The following PLCB1 variants were observed in gnomAD, a reference collection of about 807,000 sequenced individuals.
The protein encoded by PLCB1 is phospholipase C beta 1.
A neutral mutation model predicts 161.8 loss-of-function variants in PLCB1; 46 were observed. The ratio of observed to expected loss-of-function variants is 0.28; its 90% CI spans 0.22 to 0.36. PLCB1 has a LOEUF of 0.36. Among genes scored for constraint, PLCB1 ranks in the 10% least tolerant of loss-of-function variants. The probability of loss-of-function intolerance (pLI) is 1.00; values close to 1 mark genes in which losing one functional copy is unlikely to be tolerated. For synonymous variants in PLCB1, 517 were observed against 503.7 expected (o/e 1.03, Z -0.35); for missense variants, 1,016 against 1,472.5 (o/e 0.69, Z 5.07).
chr20:8,250,435 G>A (rs1568605351), intron 2 of PLCB1, among the ~76,000 whole-genome samples: 1 of 151,662 alleles, frequency 6.6e-6, no homozygotes, highest in Non-Finnish European at 1.5e-5. Flanking sequence ...AATCTGTTGG[G>A]TTTTGTGACC....
intron 3 of PLCB1, among the ~76,000 whole-genome samples, chr20:8,377,069 A>T (rs6118184): frequency 0.057 from 8,722 of 152,220 alleles, 745 homozygotes; most frequent in African/African-American, 0.19. Flanking sequence ...AAGGCAATAC[A>T]CACCATGTCC....
At chr20:8,794,950 T>C (rs1173000758) in intron 31 of PLCB1, among the ~76,000 whole-genome samples, 2 of 152,212 alleles carry the variant, frequency 1.3e-5, no homozygotes, top group Non-Finnish European at 2.9e-5. Flanking sequence ...TCATTCAAAG[T>C]GTGACTTTGC....
intron 2 of PLCB1, among the ~76,000 whole-genome samples, chr20:8,277,016 G>A (rs2719779): frequency 0.088 from 8,311 of 94,196 alleles, 361 homozygotes; most frequent in African/African-American, 0.17. Context: ...TATTATTATT[G>A]TTAGAGATGG....
At chr20:8,484,637 C>T (rs1982646972) in intron 3 of PLCB1, among the ~76,000 whole-genome samples, 1 of 152,220 alleles carries the variant, frequency 6.6e-6, no homozygotes, top group Non-Finnish European at 1.5e-5. Flanking sequence ...GCATGAGCCA[C>T]CGGCCTGCTA....
intron 3 of PLCB1, among the ~76,000 whole-genome samples, chr20:8,421,146 G>A (rs550763989): frequency 1.6e-4 from 25 of 152,258 alleles, no homozygotes; most frequent in African/African-American, 5.5e-4. Context: ...GAACCTGATC[G>A]TTATTTGTGA....
At chr20:8,186,203 G>T (rs1396555081) in intron 2 of PLCB1, among the ~76,000 whole-genome samples, 2 of 152,002 alleles carry the variant, frequency 1.3e-5, no homozygotes, top group Admixed American at 6.6e-5. Flanking sequence ...TTATTTTGTG[G>T]ATTTTAGCTT....
At chr20:8,311,808 A>C (rs750428489) in intron 2 of PLCB1, among the ~76,000 whole-genome samples, 4 of 152,168 alleles carry the variant, frequency 2.6e-5, no homozygotes, top group African/African-American at 4.8e-5. Context: ...GTGGCTGTCA[A>C]TTGATGCCCT....
chr20:8,429,515 C>G (rs1356016295), intron 3 of PLCB1, among the ~76,000 whole-genome samples: 1 of 151,980 alleles, frequency 6.6e-6, no homozygotes, highest in African/African-American at 2.4e-5. Flanking sequence ...ATAATAGAGT[C>G]AAGCGCCATG....
intron 2 of PLCB1, among the ~76,000 whole-genome samples, chr20:8,285,969 T>C (rs1380797065): frequency 1.3e-5 from 2 of 152,248 alleles, no homozygotes; most frequent in Non-Finnish European, 2.9e-5. Context: ...ACATTAGTCC[T>C]TTCATATAGT....
chr20:8,640,634 T>C (rs797001058), intron 4 of PLCB1, among the ~76,000 whole-genome samples: 7 of 152,272 alleles, frequency 4.6e-5, no homozygotes, highest in African/African-American at 1.7e-4. Context: ...AATGAAACTT[T>C]GGGGGTTCTG....
intron 31 of PLCB1, among the ~76,000 whole-genome samples, chr20:8,821,021 T>C (rs1347133400): frequency 6.6e-6 from 1 of 152,170 alleles, no homozygotes; most frequent in Non-Finnish European, 1.5e-5. Flanking sequence ...TCATTACCTC[T>C]GAGGAGTCAG....
At chr20:8,278,924 A>T (rs1299410864) in intron 2 of PLCB1, among the ~76,000 whole-genome samples, 1 of 152,006 alleles carries the variant, frequency 6.6e-6, no homozygotes, top group Non-Finnish European at 1.5e-5. Context: ...ACCAGAAATA[A>T]CCTAAATTAA....
chr20:8,414,744 T>C (rs1177697910), intron 3 of PLCB1, among the ~76,000 whole-genome samples: 1 of 151,824 alleles, frequency 6.6e-6, no homozygotes, highest in Non-Finnish European at 1.5e-5. Context: ...GCATTGGAAA[T>C]GTGACTTTTG....
chr20:8,485,769 C>A lies in PLCB1; in HGVS notation c.246+114319C>A, dbSNP rs372223468. On this transcript the variant is annotated intron_variant, in intron 3 of 31. Coordinates refer to ENST00000338037, the MANE Select transcript of PLCB1 (RefSeq NM_015192.4). ...GGAAATGTGTGATATATGTTTCCATCACATAGGGAAAGCATTAAAAATCTA... is the reference window on the plus strand; with the variant it reads ...GGAAATGTGTGATATATGTTTCCATAACATAGGGAAAGCATTAAAAATCTA... Among the ~76,000 whole-genome samples the A allele has an allele frequency of 2.5e-3, 381 of 152,298 alleles. 4 individuals are homozygous for A. The highest frequency in any genetic ancestry group is 0.014 in the South Asian group (67 of 4,824).
intron 26 of PLCB1, among the ~76,000 whole-genome samples, chr20:8,767,322 A>T (rs959377366): frequency 2.6e-5 from 4 of 152,162 alleles, no homozygotes; most frequent in Non-Finnish European, 5.9e-5. Context: ...CTTTCCACTG[A>T]TGGGCCCTGG....
chr20:8,506,898 G>T (rs1983657857), intron 3 of PLCB1, among the ~76,000 whole-genome samples: 1 of 152,082 alleles, frequency 6.6e-6, no homozygotes, highest in Admixed American at 6.6e-5. Flanking sequence ...TAAAACTATA[G>T]TAGAACCTTG....
chr20:8,233,293 A>G (rs1980160725), intron 2 of PLCB1, among the ~76,000 whole-genome samples: 1 of 152,184 alleles, frequency 6.6e-6, no homozygotes, highest in Non-Finnish European at 1.5e-5. Context: ...ATTATTGTAC[A>G]GTGAGAAATG....
intron 3 of PLCB1, among the ~76,000 whole-genome samples, chr20:8,443,902 G>A (rs561761506): frequency 1.3e-5 from 2 of 152,226 alleles, no homozygotes; most frequent in African/African-American, 4.8e-5. Flanking sequence ...GCACCCCACA[G>A]TGGCTATTTC....
chr20:8,544,410 T>G (rs939113473), intron 3 of PLCB1, among the ~76,000 whole-genome samples: 1 of 152,212 alleles, frequency 6.6e-6, no homozygotes, highest in African/African-American at 2.4e-5. Context: ...ATGAGATAGA[T>G]TCTATTTTTG....
Sources: allele counts gnomAD v4.1 joint callset (sites outside exome capture counted in the v4.1 genomes callset), GRCh38; gene constraint gnomAD v4.1.1; transcripts MANE v1.5; gene names NCBI Gene and HGNC (gene_info 2026-07-23, HGNC 2026-07-21).